PCDH15: variants seen among roughly 807,000 people sequenced by gnomAD.
The protein encoded by PCDH15 is protocadherin related 15.
A neutral mutation model predicts 178.5 loss-of-function variants in PCDH15; 129 were observed. That is an observed-to-expected ratio of 0.72 (90% confidence interval 0.63 to 0.84). The LOEUF is 0.84. Among genes scored for constraint, PCDH15 ranks in the 40% least tolerant of loss-of-function variants. PCDH15 has a pLI of 0.00. For missense variants in PCDH15, 2,230 were observed against 2,099.9 expected, an observed-to-expected ratio of 1.06 and a Z score of -1.21; for synonymous variants, 800 against 732.0, an observed-to-expected ratio of 1.09 and a Z score of -1.50.
At chr10:54,470,030 G>T (rs555069519) in intron 3 of PCDH15, among the ~76,000 whole-genome samples, 3 of 152,204 alleles carry the variant, frequency 2.0e-5, no homozygotes, top group Non-Finnish European at 4.4e-5. Flanking sequence ...CACTCAGGAG[G>T]GTAGAGCTAC....
At chr10:55,508,876 T>G (rs1451093528) in intron 2 of PCDH15, among the ~76,000 whole-genome samples, 4 of 151,720 alleles carry the variant, frequency 2.6e-5, no homozygotes, top group Non-Finnish European at 5.9e-5. Context: ...GCAAAACTGC[T>G]GTCAAATTTT....
intron 20 of PCDH15, among the ~76,000 whole-genome samples, chr10:53,996,429 T>G (rs909920027): frequency 6.6e-6 from 1 of 152,206 alleles, no homozygotes; most frequent in African/African-American, 2.4e-5. Flanking sequence ...ATTCATGCAT[T>G]GTCAAGTTCA....
In PCDH15 at chr10:54,489,379, C is replaced by T. The variant is rs527890719; in HGVS notation, c.157+38433G>A. On this transcript the variant is annotated intron_variant, in intron 3 of 37. Coordinates refer to ENST00000644397, the MANE Select transcript of PCDH15 (RefSeq NM_001384140.1). ...CTATCTTCGTGATATCTCAGATGAT[C>T]ACAGAAAAATCACAAATGTTTGTCT... Among the ~76,000 whole-genome samples, 17 of 152,086 alleles carry T rather than the reference C, an allele frequency of 1.1e-4. No individual in the cohort carries two copies. The South Asian group carries it at 2.7e-3, about 24-fold the overall frequency.
intron 1 of PCDH15, among the ~76,000 whole-genome samples, chr10:55,168,463 C>T (rs1839251231): frequency 6.6e-6 from 1 of 152,208 alleles, no homozygotes; most frequent in East Asian, 1.9e-4. Context: ...GACCTCCTGA[C>T]TGGACATTAG....
chr10:55,244,215 T>C (rs1228917633), intron 1 of PCDH15, among the ~76,000 whole-genome samples: 1 of 152,054 alleles, frequency 6.6e-6, no homozygotes, highest in Non-Finnish European at 1.5e-5. Context: ...GTTTTCTGTG[T>C]CTTGCACTGC....
intron 3 of PCDH15, among the ~76,000 whole-genome samples, chr10:54,437,203 T>C (rs901380681): frequency 3.3e-5 from 5 of 152,184 alleles, no homozygotes; most frequent in African/African-American, 1.2e-4. Context: ...TTCACCAGGA[T>C]AGTGAATGAG....
chr10:54,456,714 C>A (rs1353826781), intron 3 of PCDH15, among the ~76,000 whole-genome samples: 3 of 152,056 alleles, frequency 2.0e-5, no homozygotes, highest in Non-Finnish European at 4.4e-5. Context: ...TGTCCCCACC[C>A]AAATCTCATC....
At chr10:53,959,982 C>G (rs971127810) in intron 22 of PCDH15, 138 bp from the exon 23 acceptor site, 1 of 711,348 alleles carries the variant, frequency 1.4e-6, no homozygotes, top group Non-Finnish European at 2.5e-6. Flanking sequence ...CACTGCCTAC[C>G]AGGTGGCAGA....
At chr10:54,658,635 A>G (rs896433850) in intron 2 of PCDH15, among the ~76,000 whole-genome samples, 1 of 152,166 alleles carries the variant, frequency 6.6e-6, no homozygotes, top group African/African-American at 2.4e-5. Context: ...AAAAATCCTT[A>G]AAGGACTTCT....
At chr10:53,808,997 G>GT in intron 37 of PCDH15, 1 of 1,569,338 alleles carries the variant, frequency 6.4e-7, no homozygotes, top group Non-Finnish European at 8.7e-7. Context: ...GGTTCTTTTT[G>GT]TTCTTCTTGT....
chr10:55,213,356 A>C (rs188391896), intron 1 of PCDH15, among the ~76,000 whole-genome samples: 159 of 152,198 alleles, frequency 1.0e-3, no homozygotes, highest in Non-Finnish European at 1.8e-3. Context: ...AGTTTATGGA[A>C]GAAGCTTTTC....
At chr10:54,658,935 G>A (rs2094449861) in intron 2 of PCDH15, among the ~76,000 whole-genome samples, 1 of 152,022 alleles carries the variant, frequency 6.6e-6, no homozygotes, top group Admixed American at 6.6e-5. Flanking sequence ...CAAAGTAAAG[G>A]GTGGAGAATG....
intron 8 of PCDH15, among the ~76,000 whole-genome samples, chr10:54,304,203 C>T (rs9971090): frequency 0.055 from 8,303 of 152,100 alleles, 713 homozygotes; most frequent in African/African-American, 0.19. Flanking sequence ...CATTGTTTCC[C>T]GTTAAATTAA....
At chr10:54,818,626 C>T (rs556223670) in intron 3 of PCDH15, among the ~76,000 whole-genome samples, 6 of 151,958 alleles carry the variant, frequency 3.9e-5, no homozygotes, top group Non-Finnish European at 8.8e-5. Flanking sequence ...TATGCCAGGC[C>T]GACAGAATAA....
chr10:54,608,115 C>A (rs1028029310), intron 2 of PCDH15, among the ~76,000 whole-genome samples: 1 of 151,774 alleles, frequency 6.6e-6, no homozygotes, highest in African/African-American at 2.4e-5. Context: ...CTAGGCATAG[C>A]CCTGAGGGGA....
At chr10:53,895,195 G>A (rs2081870691) in intron 26 of PCDH15, among the ~76,000 whole-genome samples, 1 of 152,086 alleles carries the variant, frequency 6.6e-6, no homozygotes, top group South Asian at 2.1e-4. Flanking sequence ...GAAACATTAT[G>A]TATTACCCTA....
At chr10:55,042,169 A>G (rs1203107693) in intron 2 of PCDH15, among the ~76,000 whole-genome samples, 1 of 152,152 alleles carries the variant, frequency 6.6e-6, no homozygotes, top group African/African-American at 2.4e-5. Context: ...TAGGAAATTC[A>G]GAGTGAAGGA....
At chr10:54,314,353 A>G (rs995545417) in intron 8 of PCDH15, among the ~76,000 whole-genome samples, 2 of 152,128 alleles carry the variant, frequency 1.3e-5, no homozygotes, top group African/African-American at 4.8e-5. Flanking sequence ...TTTCATGTGC[A>G]AAAAATGATT....
chr10:55,135,437 C>G (rs1166268153), intron 2 of PCDH15, among the ~76,000 whole-genome samples: 3 of 152,008 alleles, frequency 2.0e-5, no homozygotes, highest in Non-Finnish European at 4.4e-5. Flanking sequence ...GTCCCCAGCT[C>G]CACTCCCTAA....
Sources: gnomAD v4.1 joint callset for allele counts (sites outside exome capture counted in the v4.1 genomes callset) on GRCh38, gnomAD v4.1.1 for gene constraint, MANE v1.5 for transcripts, NCBI Gene and HGNC (gene_info 2026-07-23, HGNC 2026-07-21) for gene names.